The following CADPS variants were observed in gnomAD, a reference collection of about 807,000 sequenced individuals.
The protein encoded by CADPS is calcium-dependent secretion activator 1.
CADPS carries 57 observed loss-of-function variants against 167.3 expected under a neutral mutation model. That is an observed-to-expected ratio of 0.34 (90% confidence interval 0.28 to 0.42). CADPS has a LOEUF of 0.42. Ranked by LOEUF, CADPS falls within the 20% of genes least tolerant of loss-of-function variation. The pLI is 1.00. For synonymous variants in CADPS, 676 were observed against 635.3 expected, an observed-to-expected ratio of 1.06 and a Z score of -0.96; for missense variants, 1,414 against 1,738.1, an observed-to-expected ratio of 0.81 and a Z score of 3.32.
chr3:62,753,557 T>G lies in CADPS; in HGVS notation c.772A>C (p.Met258Leu), dbSNP rs374555826. Reference sequence around the variant, plus strand: ...AGCTCGGAGGCTGCGCTGGCTGTCATCCGGGCCTGCTGCTTCCGCGGGTCC... The same window carrying G: ...AGCTCGGAGGCTGCGCTGGCTGTCAGCCGGGCCTGCTGCTTCCGCGGGTCC... ...EEDPRKQQAR[M>L]TASAASELIL... is the part of the protein sequence containing the mutation. Residue 258 changes from methionine to leucine, a missense_variant, in exon 3 of 30, where the codon ATG becomes CTG. Coordinates refer to ENST00000383710, the MANE Select transcript of CADPS (RefSeq NM_003716.4). This position sits in a 1 kb window ranked among gnomAD's most constrained non-coding sequence, Gnocchi z 4.6. The G allele has an allele frequency of 6.2e-6, 10 of 1,614,104 alleles. No individual in the cohort carries two copies. Among genetic ancestry groups the G allele is most frequent in the African/African-American group, 5.3e-5 (4 of 75,002 alleles).
At chr3:62,645,954 G>A (rs1470975014) in intron 5 of CADPS, 111 bp from the exon 6 acceptor site, 10 of 1,236,300 alleles carry the variant, frequency 8.1e-6, no homozygotes, top group Non-Finnish European at 1.0e-5. Context: ...GGTATCTGAT[G>A]GCTTCTGTTA....
chr3:62,401,088 C>T (rs1705918490), intron 29 of CADPS, among the ~76,000 whole-genome samples: 1 of 152,164 alleles, frequency 6.6e-6, no homozygotes, highest in Admixed American at 6.5e-5. Context: ...CTCAATCATG[C>T]ATCAACCTGC....
intron 6 of CADPS, among the ~76,000 whole-genome samples, chr3:62,617,014 T>G (rs1021579215): frequency 1.3e-5 from 2 of 152,210 alleles, no homozygotes; most frequent in Non-Finnish European, 2.9e-5. Context: ...AAAAGATGTA[T>G]GATCAGTCTC....
chr3:62,769,075 T>A (rs1007167608), intron 1 of CADPS, among the ~76,000 whole-genome samples: 1 of 152,138 alleles, frequency 6.6e-6, no homozygotes, highest in African/African-American at 2.4e-5. Context: ...GACTAACCTC[T>A]CTAAAGCTCA....
chr3:62,519,460 C>T (rs576611280), intron 13 of CADPS, among the ~76,000 whole-genome samples: 11 of 152,072 alleles, frequency 7.2e-5, no homozygotes, highest in Non-Finnish European at 1.0e-4. Flanking sequence ...TTGAAATATG[C>T]GAAAATTTCC....
At chr3:62,411,998 G>T (rs1170042571) in intron 28 of CADPS, among the ~76,000 whole-genome samples, 1 of 152,072 alleles carries the variant, frequency 6.6e-6, no homozygotes, top group Non-Finnish European at 1.5e-5. Flanking sequence ...ACAGCTTCAG[G>T]ACGCGCAGCT....
At chr3:62,563,575 G>C (rs1354713667) in intron 9 of CADPS, among the ~76,000 whole-genome samples, 1 of 152,140 alleles carries the variant, frequency 6.6e-6, no homozygotes, top group East Asian at 1.9e-4. Context: ...TTGGGGAACA[G>C]GTGATATTCA....
At chr3:62,847,154 A>T (rs1192359861) in intron 1 of CADPS, among the ~76,000 whole-genome samples, 1 of 151,694 alleles carries the variant, frequency 6.6e-6, no homozygotes, top group Admixed American at 6.6e-5. Flanking sequence ...TGACTTTGTT[A>T]ATTTTTTGAC....
chr3:62,626,916 A>G (rs2064193841), intron 6 of CADPS, among the ~76,000 whole-genome samples: 1 of 152,186 alleles, frequency 6.6e-6, no homozygotes, highest in African/African-American at 2.4e-5. Flanking sequence ...CTTACCTTGT[A>G]TATTTAATTG....
intron 1 of CADPS, among the ~76,000 whole-genome samples, chr3:62,811,092 A>C (rs533173462): frequency 3.5e-4 from 54 of 152,328 alleles, no homozygotes; most frequent in African/African-American, 1.3e-3. Context: ...GCTTTCTTAG[A>C]GGTTGATGCC....
At chr3:62,685,858 G>A (rs1168237464) in intron 3 of CADPS, among the ~76,000 whole-genome samples, 1 of 152,120 alleles carries the variant, frequency 6.6e-6, no homozygotes, top group Non-Finnish European at 1.5e-5. Context: ...CTGACAGGAG[G>A]TGGAGCTCAG....
intron 8 of CADPS, among the ~76,000 whole-genome samples, chr3:62,583,689 G>C (rs2083951537): frequency 6.6e-6 from 1 of 152,190 alleles, no homozygotes; most frequent in African/African-American, 2.4e-5. Flanking sequence ...CCAGCTCACA[G>C]GTGACCTTTG....
intron 6 of CADPS, among the ~76,000 whole-genome samples, chr3:62,595,954 CA>C (rs1249937727): frequency 2.0e-5 from 3 of 152,142 alleles, no homozygotes; most frequent in Non-Finnish European, 4.4e-5. Context: ...TGCCCTCAAA[CA>C]TTGGACTCCA....
chr3:62,621,911 A>C (rs573228108), intron 6 of CADPS, among the ~76,000 whole-genome samples: 2 of 119,858 alleles, frequency 1.7e-5, no homozygotes, highest in Admixed American at 8.2e-5. Flanking sequence ...TTTTTTTTTA[A>C]ATTTAGAGTT....
intron 28 of CADPS, among the ~76,000 whole-genome samples, chr3:62,417,508 C>A (rs2050370655): frequency 6.6e-6 from 1 of 151,876 alleles, no homozygotes; most frequent in African/African-American, 2.4e-5. Context: ...TGGTCTTGAA[C>A]TCCTGGTCTC....
chr3:62,708,437 A>C (rs1564125530), intron 3 of CADPS, among the ~76,000 whole-genome samples: 1 of 151,988 alleles, frequency 6.6e-6, no homozygotes, highest in Non-Finnish European at 1.5e-5. Flanking sequence ...TGATGTGTTA[A>C]TATTATTATT....
In CADPS at chr3:62,532,950, C is replaced by T. The variant is rs752667139; in HGVS notation, c.2212G>A (p.Ala738Thr). The T allele has an allele frequency of 1.9e-6, 3 of 1,613,792 alleles. No individual in the cohort carries two copies. Among genetic ancestry groups the T allele is most frequent in the Non-Finnish European group, 2.5e-6 (3 of 1,179,832 alleles). ...LCYLRDLLER[A>T]ENGAMIDPTL... The stretch of plus-strand genomic sequence containing the variant: ...GGGTCGATCATGGCGCCATTTTCTG[C>T]CCGTTCAAGCAAGTCTCTGAGGTAG... The change falls in exon 13 of 30, where the codon GCA (alanine) becomes ACA (threonine). Residue 738 changes from alanine (A) to threonine (T), a missense_variant. Ala to Thr is a moderately conservative substitution (Grantham distance 58). Transcript: ENST00000383710.
chr3:62,644,105 C>A (rs1418556886), intron 6 of CADPS, among the ~76,000 whole-genome samples: 1 of 152,186 alleles, frequency 6.6e-6, no homozygotes, highest in African/African-American at 2.4e-5. Context: ...ATACAATGCC[C>A]TGAGATTTTC....
In CADPS at chr3:62,565,676, A is replaced by G. The variant is rs1246444763; in HGVS notation, c.1644+5196T>C. ...CACAGAAGCTCCTCGCAACTGCTTC[A>G]TTCCCTTCACAGTTGGTAGGGTAGA... On this transcript the variant is annotated intron_variant, in intron 9 of 29. Transcript: ENST00000383710. 2.0e-5 allele frequency among the ~76,000 whole-genome samples: 3 copies of G among 152,216 alleles called. No homozygotes were observed. The East Asian group carries it at 5.8e-4, about 29-fold the overall frequency.
Sources: gnomAD v4.1 joint callset for allele counts (sites outside exome capture counted in the v4.1 genomes callset) on GRCh38, gnomAD v4.1.1 for gene constraint, Gnocchi (gnomAD v3.1) non-coding constraint, MANE v1.5 for transcripts, NCBI Gene and HGNC (gene_info 2026-07-23, HGNC 2026-07-21) for gene names.